MSN: variants seen among roughly 807,000 people sequenced by gnomAD.
MSN encodes moesin.
Under a neutral mutation model 48.0 loss-of-function variants are expected in MSN, and 2 were observed. That is an observed-to-expected ratio of 0.04 (90% confidence interval 0.02 to 0.13). The LOEUF (loss-of-function observed/expected upper bound fraction) is 0.13, where lower values mean the gene tolerates loss of function less well. MSN is among the 10% of genes least tolerant of loss of function. The probability of loss-of-function intolerance (pLI) is 1.00; values close to 1 mark genes in which losing one functional copy is unlikely to be tolerated. For synonymous variants in MSN, 146 were observed against 166.9 expected, an observed-to-expected ratio of 0.87 and a Z score of 0.97; for missense variants, 267 against 470.1, an observed-to-expected ratio of 0.57 and a Z score of 3.99.
chrX:65,696,620 G>C (rs1295875031), intron 1 of MSN, among the ~76,000 whole-genome samples: 4 of 111,128 alleles, frequency 3.6e-5, no homozygotes, highest in East Asian at 5.6e-4. Flanking sequence ...TGGGGGGCTA[G>C]ATAGGTTCAT....
intron 1 of MSN, among the ~76,000 whole-genome samples, chrX:65,622,070 G>T (rs2070451746): frequency 9.2e-6 from 1 of 108,237 alleles, no homozygotes; most frequent in Admixed American, 9.9e-5. Context: ...TGTGAATAGA[G>T]GTAGTTTTAT....
chrX:65,657,913 G>A (rs762746796), intron 1 of MSN, among the ~76,000 whole-genome samples: 1 of 111,881 alleles, frequency 8.9e-6, no homozygotes, highest in South Asian at 3.7e-4. Flanking sequence ...ACAAACATGT[G>A]ACTTTTGGAC....
At chrX:65,682,295 C>T (rs1268777192) in intron 1 of MSN, among the ~76,000 whole-genome samples, 3 of 112,047 alleles carry the variant, frequency 2.7e-5, no homozygotes, top group African/African-American at 9.7e-5. Context: ...CCATCTAAGC[C>T]AAATTCAAGG....
At chrX:65,716,667 C>T (rs1312317802) in intron 1 of MSN, 151 bp from the exon 2 acceptor site, 2 of 479,365 alleles carry the variant, frequency 4.2e-6, no homozygotes, top group Non-Finnish European at 7.4e-6. Flanking sequence ...GTGTTTGGGT[C>T]AATATTCTCC....
chrX:65,607,687 T>G (rs903789408), intron 1 of MSN, among the ~76,000 whole-genome samples: 5 of 111,531 alleles, frequency 4.5e-5, no homozygotes, highest in Non-Finnish European at 7.5e-5. Flanking sequence ...CATGCCTTTA[T>G]GTGAACCCAG....
At chrX:65,612,865 TG>T (rs768444031) in intron 1 of MSN, among the ~76,000 whole-genome samples, 3,242 of 103,528 alleles carry the variant, frequency 0.031, 61 homozygotes, top group African/African-American at 0.071. Flanking sequence ...TTTTTTTTTT[TG>T]GGGGGGGGTA....
At chrX:65,729,803 G>C (rs2071604901) in intron 4 of MSN, 91 bp downstream of exon 4, 4 of 967,800 alleles carry the variant, frequency 4.1e-6, no homozygotes, top group Non-Finnish European at 5.6e-6. Flanking sequence ...TGCCAGATCT[G>C]TTCTTCTCCA....
intron 1 of MSN, among the ~76,000 whole-genome samples, chrX:65,620,633 G>A (rs1174083112): frequency 2.7e-5 from 3 of 112,424 alleles, no homozygotes; most frequent in African/African-American, 9.6e-5. Context: ...AGATGAACCC[G>A]GTACCTCAGA....
In MSN at chrX:65,738,892, A is replaced by C. The variant is rs780847313; in HGVS notation, c.1345-78A>C. ...CTACCTGGTGCCTGCCTCTTGCCAGACCGTTCTAGGCATATACAGGATGCC... is the reference window on the plus strand; with the variant it reads ...CTACCTGGTGCCTGCCTCTTGCCAGCCCGTTCTAGGCATATACAGGATGCC... On this transcript the variant is annotated intron_variant, in intron 11 of 12. Coordinates refer to ENST00000360270, the MANE Select transcript of MSN (RefSeq NM_002444.3). 18 of 1,046,468 alleles carry C rather than the reference A, an allele frequency of 1.7e-5. No homozygotes were observed. The East Asian group carries it at 4.6e-4, about 27-fold the overall frequency. The allele number at this position is 1,046,468 out of a possible 1,213,427, so 86.2% of individuals were successfully genotyped here. A position where few individuals can be genotyped will look rare whatever the true frequency, so the allele number is the denominator to read the frequency against.
At chrX:65,628,870 G>A (rs1035612827) in intron 1 of MSN, among the ~76,000 whole-genome samples, 9 of 109,273 alleles carry the variant, frequency 8.2e-5, no homozygotes, top group African/African-American at 2.3e-4. Context: ...TTTGAGACCA[G>A]CCTGGCCAAC....
In MSN at chrX:65,736,781, A is replaced by G. The variant is rs371041016; in HGVS notation, c.960-14A>G. 560 of 1,162,880 alleles carry G rather than the reference A, an allele frequency of 4.8e-4. 1 individual carries two copies. Among genetic ancestry groups the G allele is most frequent in the Non-Finnish European group, 6.2e-4 (542 of 871,133 alleles). On this transcript the variant is annotated splice_polypyrimidine_tract_variant and intron_variant, in intron 8 of 12. Transcript: ENST00000360270. ...GTTGTTATCCTGTTCTATCCATTTT[A>G]TCTCCTTCCCTAGTGCTATGCTGGA...
chrX:65,722,209 C>T (rs1273119112), intron 2 of MSN, among the ~76,000 whole-genome samples: 2 of 111,650 alleles, frequency 1.8e-5, no homozygotes, highest in East Asian at 2.8e-4. Context: ...TAGTGGTAGC[C>T]CATCTTGGTG....
intron 1 of MSN, among the ~76,000 whole-genome samples, chrX:65,650,598 G>T (rs1480854977): frequency 8.9e-6 from 1 of 111,948 alleles, no homozygotes; most frequent in Non-Finnish European, 1.9e-5. Flanking sequence ...ATTAATTGAG[G>T]TCCTACTCTG....
intron 1 of MSN, among the ~76,000 whole-genome samples, chrX:65,656,238 T>C (rs2070779991): frequency 9.2e-6 from 1 of 109,206 alleles, no homozygotes; most frequent in Non-Finnish European, 1.9e-5. Flanking sequence ...TAAGGCAGAC[T>C]GGGAGCAGAG....
chrX:65,667,588 G>T, upstream of MSN: 5 of 893,343 alleles, frequency 5.6e-6, no homozygotes, highest in Non-Finnish European at 6.9e-6. Context: ...GCGGGGAGGC[G>T]GGCGCGAGGG....
chrX:65,664,084 T>G (rs1467915946), upstream of MSN, among the ~76,000 whole-genome samples: 1 of 100,033 alleles, frequency 1.0e-5, no homozygotes, highest in African/African-American at 3.6e-5. Flanking sequence ...AAGAAAGAAA[T>G]AGTCGACTGG....
At chrX:65,607,781 C>A (rs1174032036) in intron 1 of MSN, among the ~76,000 whole-genome samples, 1 of 110,630 alleles carries the variant, frequency 9.0e-6, no homozygotes, top group African/African-American at 3.3e-5. Flanking sequence ...AGACAGGAGG[C>A]AGGGGACATG....
intron 1 of MSN, among the ~76,000 whole-genome samples, chrX:65,627,394 G>A (rs1326340345): frequency 9.2e-6 from 1 of 109,266 alleles, no homozygotes; most frequent in Non-Finnish European, 1.9e-5. Context: ...CACATGGCTG[G>A]GGCAACCTCA....
At chrX:65,620,571 G>A (rs909210362) in intron 1 of MSN, among the ~76,000 whole-genome samples, 3 of 112,911 alleles carry the variant, frequency 2.7e-5, no homozygotes, top group South Asian at 3.6e-4. Flanking sequence ...TTCGGGTCGC[G>A]CACGGTGCGC....
Sources: gnomAD v4.1 joint callset for allele counts (sites outside exome capture counted in the v4.1 genomes callset) on GRCh38, gnomAD v4.1.1 for gene constraint, MANE v1.5 for transcripts, NCBI Gene and HGNC (gene_info 2026-07-23, HGNC 2026-07-21) for gene names.